The following ENOX1 variants were observed in gnomAD, a reference collection of about 807,000 sequenced individuals.
The protein encoded by ENOX1 is ecto-NOX disulfide-thiol exchanger 1.
In ENOX1, 42 loss-of-function variants were observed where a neutral mutation model predicts 82.5. That is an observed-to-expected ratio of 0.51 (90% CI 0.40 to 0.66). The LOEUF (loss-of-function observed/expected upper bound fraction) is 0.66, where lower values mean the gene tolerates loss of function less well. ENOX1 is among the 30% of genes least tolerant of loss of function. The probability of loss-of-function intolerance (pLI) is 0.00; values close to 1 mark genes in which losing one functional copy is unlikely to be tolerated. For synonymous variants in ENOX1, 271 were observed against 282.2 expected, an observed-to-expected ratio of 0.96 and a Z score of 0.40; for missense variants, 608 against 811.6, an observed-to-expected ratio of 0.75 and a Z score of 3.05.
intron 12 of ENOX1, among the ~76,000 whole-genome samples, chr13:43,293,298 C>T (rs544076329): frequency 1.3e-5 from 2 of 152,158 alleles, no homozygotes; most frequent in African/African-American, 4.8e-5. Flanking sequence ...CTAATAAGGC[C>T]ACCACAGCCA....
At chr13:43,760,380 G>A (rs1950894620) in intron 1 of ENOX1, among the ~76,000 whole-genome samples, 1 of 152,106 alleles carries the variant, frequency 6.6e-6, no homozygotes, top group Admixed American at 6.5e-5. Context: ...ATGAATGTTA[G>A]TACTATGTAT....
intron 2 of ENOX1, among the ~76,000 whole-genome samples, chr13:43,557,440 C>G (rs2079489429): frequency 6.6e-6 from 1 of 152,114 alleles, no homozygotes; most frequent in South Asian, 2.1e-4. Flanking sequence ...CTCACAGGAA[C>G]AGGGATGAGT....
intron 9 of ENOX1, among the ~76,000 whole-genome samples, chr13:43,328,414 G>C (rs546159068): frequency 6.6e-6 from 1 of 152,272 alleles, no homozygotes; most frequent in African/African-American, 2.4e-5. Context: ...ATAGCTCTTT[G>C]GCATCATTTA....
At chr13:43,618,594 T>C (rs1382611720) in intron 2 of ENOX1, among the ~76,000 whole-genome samples, 1 of 152,208 alleles carries the variant, frequency 6.6e-6, no homozygotes, top group Admixed American at 6.5e-5. Flanking sequence ...GTTTCATTGG[T>C]CTATGTGCCT....
At chr13:43,675,701 G>A (rs73186158) in intron 1 of ENOX1, among the ~76,000 whole-genome samples, 13,294 of 152,150 alleles carry the variant, frequency 0.087, 914 homozygotes, top group East Asian at 0.26. Context: ...AGGTCACACA[G>A]CAAGCAGTCA....
At chr13:43,548,555 C>T in intron 2 of ENOX1, among the ~76,000 whole-genome samples, 1 of 152,206 alleles carries the variant, frequency 6.6e-6, no homozygotes, top group Admixed American at 6.5e-5. Context: ...TTACATCATG[C>T]AGCAACCTCA....
chr13:43,289,630 C>T (rs1237527761), intron 12 of ENOX1, among the ~76,000 whole-genome samples: 3 of 152,104 alleles, frequency 2.0e-5, no homozygotes, highest in Admixed American at 6.5e-5. Context: ...ATCCTAGAAG[C>T]CAATCTGGAA....
intron 10 of ENOX1, among the ~76,000 whole-genome samples, chr13:43,324,126 G>A (rs1296723824): frequency 6.6e-6 from 1 of 152,182 alleles, no homozygotes; most frequent in Non-Finnish European, 1.5e-5. Flanking sequence ...GGCATTGGAG[G>A]TGGGTGTCAC....
At chr13:43,598,732 GA>G (rs1217706804) in intron 2 of ENOX1, among the ~76,000 whole-genome samples, 1 of 152,172 alleles carries the variant, frequency 6.6e-6, no homozygotes, top group Non-Finnish European at 1.5e-5. Flanking sequence ...CAAAACTGTA[GA>G]AAAATGTGTG....
chr13:43,381,625 A>C (rs1407776), intron 5 of ENOX1, among the ~76,000 whole-genome samples: 144,820 of 151,676 alleles, frequency 0.95, 69,506 homozygotes, highest in East Asian at 1. Flanking sequence ...AATTGATAAA[A>C]CTCCAGCCAG....
rs764711894 is a variant in ENOX1, at chr13:43,355,988, G to A, written c.754C>T (p.Pro252Ser). The change falls in exon 8 of 17, where the codon CCC (proline) becomes TCC (serine). Residue 252 changes from proline to serine, a missense_variant. Physicochemically the swap from Pro to Ser is moderately conservative, Grantham distance 74. Coordinates refer to ENST00000690772, the MANE Select transcript of ENOX1 (RefSeq NM_001347969.2). ...TGCATTATGGCAGGCGGGGATGGGGGCCTGAGCCGGTCCTCCTCCAGCTTG... is the reference window on the plus strand; with the variant it reads ...TGCATTATGGCAGGCGGGGATGGGGACCTGAGCCGGTCCTCCTCCAGCTTG... ...RRKLEEDRLR[P>S]PSPPAIMHYS... 6.2e-7 allele frequency: 1 copy of A among 1,613,858 alleles called. No homozygotes were observed. The highest frequency in any genetic ancestry group is 8.5e-7 in the Non-Finnish European group (1 of 1,180,038).
intron 3 of ENOX1, among the ~76,000 whole-genome samples, chr13:43,429,049 G>A (rs1483743444): frequency 2.6e-5 from 4 of 152,076 alleles, no homozygotes; most frequent in South Asian, 4.1e-4. Flanking sequence ...TGGGCAAGTC[G>A]CTTTCTCTGA....
At chr13:43,277,734 G>T (rs760160981) in intron 12 of ENOX1, among the ~76,000 whole-genome samples, 1 of 152,216 alleles carries the variant, frequency 6.6e-6, no homozygotes, top group Non-Finnish European at 1.5e-5. Context: ...CAAGGACTTA[G>T]AGCTGAAAAT....
intron 1 of ENOX1, among the ~76,000 whole-genome samples, chr13:43,736,000 C>A (rs1274086898): frequency 6.6e-6 from 1 of 152,058 alleles, no homozygotes; most frequent in Non-Finnish European, 1.5e-5. Flanking sequence ...TGATCAAAAC[C>A]CATTTTCAGG....
intron 2 of ENOX1, among the ~76,000 whole-genome samples, chr13:43,487,692 T>C (rs1379177500): frequency 6.6e-6 from 1 of 152,198 alleles, no homozygotes; most frequent in Non-Finnish European, 1.5e-5. Context: ...AAATCTCCAA[T>C]GTGACCTTTC....
At chr13:43,434,856 T>C (rs1266012107) in intron 3 of ENOX1, among the ~76,000 whole-genome samples, 2 of 151,482 alleles carry the variant, frequency 1.3e-5, no homozygotes, top group Non-Finnish European at 2.9e-5. Context: ...TTGTATCCAC[T>C]ACTGAACCAC....
At chr13:43,240,112 CAGAG>C (rs1186576142) in intron 14 of ENOX1, among the ~76,000 whole-genome samples, 1 of 152,200 alleles carries the variant, frequency 6.6e-6, no homozygotes, top group Non-Finnish European at 1.5e-5. Context: ...AGGGAATACA[CAGAG>C]AGAATGTGGA....
intron 2 of ENOX1, among the ~76,000 whole-genome samples, chr13:43,613,923 G>C (rs1339669978): frequency 1.3e-5 from 2 of 151,654 alleles, no homozygotes; most frequent in Non-Finnish European, 2.9e-5. Flanking sequence ...TACAAAATAA[G>C]ACTCTCTCAA....
chr13:43,707,303 A>G (rs1185235468), intron 1 of ENOX1, among the ~76,000 whole-genome samples: 5 of 152,208 alleles, frequency 3.3e-5, no homozygotes, highest in Admixed American at 3.3e-4. Flanking sequence ...GGAAGTCTCA[A>G]CATTAAACCG....
Sources: allele counts gnomAD v4.1 joint callset (sites outside exome capture counted in the v4.1 genomes callset), GRCh38; gene constraint gnomAD v4.1.1; transcripts MANE v1.5; gene names NCBI Gene and HGNC (gene_info 2026-07-23, HGNC 2026-07-21).